The following CTNNA3 variants were observed in gnomAD, a reference collection of about 807,000 sequenced individuals.
CTNNA3 encodes the protein catenin alpha-3.
In CTNNA3, 76 loss-of-function variants were observed where a neutral mutation model predicts 95.7. The observed-to-expected ratio is 0.79, with a 90% CI of 0.66 to 0.96. CTNNA3 has a LOEUF of 0.96. CTNNA3 is among the 40% of genes least tolerant of loss of function. The probability of loss-of-function intolerance (pLI) is 0.00; values close to 1 mark genes in which losing one functional copy is unlikely to be tolerated. For missense variants in CTNNA3, 1,191 were observed against 1,089.8 expected, an observed-to-expected ratio of 1.09 and a Z score of -1.31; for synonymous variants, 431 against 374.4, an observed-to-expected ratio of 1.15 and a Z score of -1.74.
intron 3 of CTNNA3, among the ~76,000 whole-genome samples, chr10:67,565,995 T>TTATATATATATA (rs1374975755): frequency 3.8e-5 from 4 of 105,600 alleles, no homozygotes; most frequent in Non-Finnish European, 7.5e-5. Context: ...TATATATATA[T>TTATATATATATA]TATATATATA....
chr10:65,938,784 A>G (rs1325089872), intron 17 of CTNNA3, among the ~76,000 whole-genome samples: 1 of 152,072 alleles, frequency 6.6e-6, no homozygotes, highest in Admixed American at 6.5e-5. Flanking sequence ...TAGTGAGCCT[A>G]TTCGATCCCT....
chr10:66,787,609 T>C (rs1026916451), intron 7 of CTNNA3, among the ~76,000 whole-genome samples: 3 of 152,166 alleles, frequency 2.0e-5, no homozygotes, highest in Non-Finnish European at 4.4e-5. Flanking sequence ...CTAGTTTTGT[T>C]AGTTCTAGTT....
chr10:67,683,630 T>C (rs1474665441), intron 1 of CTNNA3, among the ~76,000 whole-genome samples: 1 of 152,214 alleles, frequency 6.6e-6, no homozygotes, highest in Non-Finnish European at 1.5e-5. Flanking sequence ...TTCATGCATA[T>C]AGGTAAGAGT....
intron 5 of CTNNA3, among the ~76,000 whole-genome samples, chr10:67,364,586 A>G (rs1033711723): frequency 2.0e-5 from 3 of 152,192 alleles, no homozygotes; most frequent in African/African-American, 7.2e-5. Context: ...CCAATAGCAG[A>G]CAAACAGAGA....
intron 7 of CTNNA3, among the ~76,000 whole-genome samples, chr10:67,044,562 T>C (rs1335958067): frequency 2.0e-5 from 3 of 152,180 alleles, no homozygotes; most frequent in Non-Finnish European, 4.4e-5. Context: ...GTGCTCATTA[T>C]AAGAAGTGAT....
intron 7 of CTNNA3, among the ~76,000 whole-genome samples, chr10:67,115,679 T>C (rs1465274349): frequency 6.6e-6 from 1 of 151,388 alleles, no homozygotes; most frequent in Non-Finnish European, 1.5e-5. Flanking sequence ...AAAATAAAAA[T>C]AAAAATAAAT....
At chr10:66,156,794 C>T (rs1212621750) in intron 13 of CTNNA3, among the ~76,000 whole-genome samples, 2 of 151,786 alleles carry the variant, frequency 1.3e-5, no homozygotes, top group Non-Finnish European at 2.9e-5. Flanking sequence ...AGTGGGAAGC[C>T]AGATCATATA....
chr10:66,596,117 G>A (rs1281733144), intron 10 of CTNNA3, among the ~76,000 whole-genome samples: 2 of 152,058 alleles, frequency 1.3e-5, no homozygotes, highest in Non-Finnish European at 2.9e-5. Context: ...GAATACTAAG[G>A]GGATTAGCAA....
intron 13 of CTNNA3, among the ~76,000 whole-genome samples, chr10:66,254,646 TG>T (rs1028545571): frequency 6.6e-6 from 1 of 152,224 alleles, no homozygotes; most frequent in Non-Finnish European, 1.5e-5. Context: ...TTTCTGATGC[TG>T]GGGCTCTGAC....
chr10:66,908,789 G>A lies in CTNNA3; in HGVS notation c.1048-133265C>T, dbSNP rs77861755. On this transcript the variant is annotated intron_variant, in intron 7 of 17. Coordinates refer to ENST00000433211, the MANE Select transcript of CTNNA3 (RefSeq NM_013266.4). ...AGTGCCATTTTTATGGAGTCACAAA[G>A]CACCCTGTGCTTTTTTCATGCTAGC... is the stretch of plus-strand genomic sequence containing the variant. 8.3e-4 allele frequency among the ~76,000 whole-genome samples: 127 copies of A among 152,152 alleles called. 1 individual carries two copies. The highest frequency in any genetic ancestry group is 2.8e-3 in the African/African-American group (115 of 41,498).
At chr10:66,487,382 T>C (rs1423079318) in intron 11 of CTNNA3, among the ~76,000 whole-genome samples, 1 of 151,668 alleles carries the variant, frequency 6.6e-6, no homozygotes, top group Non-Finnish European at 1.5e-5. Context: ...TTTGTATTTT[T>C]AGTAGTGACG....
chr10:67,186,122 A>T (rs537468314), intron 6 of CTNNA3, among the ~76,000 whole-genome samples: 9 of 152,308 alleles, frequency 5.9e-5, no homozygotes, highest in African/African-American at 2.2e-4. Context: ...AGGCAATAGA[A>T]TTGCTCTTTA....
chr10:66,513,790 GA>G (rs1215931498), intron 11 of CTNNA3, among the ~76,000 whole-genome samples: 1 of 152,210 alleles, frequency 6.6e-6, no homozygotes, highest in Non-Finnish European at 1.5e-5. Flanking sequence ...CAGGCTCTTG[GA>G]AGCATGTGCT....
intron 7 of CTNNA3, among the ~76,000 whole-genome samples, chr10:67,014,840 A>G (rs1340558237): frequency 1.3e-5 from 2 of 152,144 alleles, no homozygotes; most frequent in Non-Finnish European, 2.9e-5. Flanking sequence ...TTACCAAGGT[A>G]GAAAAATGGT....
At chr10:66,470,478 T>C (rs1181827597) in intron 11 of CTNNA3, among the ~76,000 whole-genome samples, 4 of 151,902 alleles carry the variant, frequency 2.6e-5, no homozygotes, top group African/African-American at 9.7e-5. Context: ...CTTGGCCACC[T>C]GGCTCTAGAC....
chr10:66,851,890 T>C (rs1238357054), intron 7 of CTNNA3, among the ~76,000 whole-genome samples: 1 of 152,134 alleles, frequency 6.6e-6, no homozygotes, highest in African/African-American at 2.4e-5. Context: ...GTGCAATAGA[T>C]ACATTTACTG....
At chr10:66,126,909 G>A (rs929143028) in intron 13 of CTNNA3, among the ~76,000 whole-genome samples, 18 of 152,120 alleles carry the variant, frequency 1.2e-4, no homozygotes, top group Admixed American at 4.6e-4. Context: ...CTCAAGGAGC[G>A]GAAAATAACT....
chr10:66,406,706 C>G (rs1221340876), intron 11 of CTNNA3, among the ~76,000 whole-genome samples: 1 of 151,966 alleles, frequency 6.6e-6, no homozygotes, highest in African/African-American at 2.4e-5. Flanking sequence ...GTTCAAATAC[C>G]AATATATTAA....
At chr10:67,461,946 T>C (rs1375367180) in intron 5 of CTNNA3, among the ~76,000 whole-genome samples, 1 of 152,170 alleles carries the variant, frequency 6.6e-6, no homozygotes, top group African/African-American at 2.4e-5. Flanking sequence ...ATCAATCAAC[T>C]CCAGAAAAGA....
Sources: allele counts gnomAD v4.1 joint callset (sites outside exome capture counted in the v4.1 genomes callset), GRCh38; gene constraint gnomAD v4.1.1; transcripts MANE v1.5; gene names NCBI Gene and HGNC (gene_info 2026-07-23, HGNC 2026-07-21).